The following MYO18B variants were observed in gnomAD, a reference collection of about 807,000 sequenced individuals.
MYO18B encodes the protein myosin XVIIIB, also known as unconventional myosin-XVIIIb.
Under a neutral mutation model 273.0 loss-of-function variants are expected in MYO18B, and 204 were observed. The observed-to-expected ratio is 0.75, with a 90% CI of 0.67 to 0.84. MYO18B has a LOEUF of 0.84. Ranked by LOEUF, MYO18B falls within the 40% of genes least tolerant of loss-of-function variation. MYO18B has a pLI of 0.00. For missense variants in MYO18B, 3,212 were observed against 3,287.6 expected (o/e 0.98, Z 0.56); for synonymous variants, 1,330 against 1,305.7 (o/e 1.02, Z -0.40).
At position 25,769,446 on chromosome 22, in the gene MYO18B, C is replaced by A; in HGVS notation, c.1512+18C>A. The stretch of plus-strand genomic sequence containing the variant: ...CAGACCAGGTGAGGGGGCTGCGGCC[C>A]TGGGAGCGGGAAGCGGCAGACAGGC... On this transcript the variant is annotated intron_variant, in intron 4 of 43. Coordinates refer to ENST00000335473, the MANE Select transcript of MYO18B (RefSeq NM_032608.7). The A allele has an allele frequency of 1.3e-6, 2 of 1,496,644 alleles. No homozygotes were observed. Among genetic ancestry groups the A allele is most frequent in the Non-Finnish European group, 1.8e-6 (2 of 1,122,410 alleles). 92.7% of individuals were successfully genotyped at this position (1,496,644 alleles called of 1,614,324 possible). A position where few individuals can be genotyped will look rare whatever the true frequency, so the allele number is the denominator to read the frequency against.
chr22:25,864,118 TG>T (rs1257919290), intron 21 of MYO18B, among the ~76,000 whole-genome samples: 1 of 152,194 alleles, frequency 6.6e-6, no homozygotes, highest in African/African-American at 2.4e-5. Context: ...GCAAAGCTGT[TG>T]TTTTTCACAG....
intron 21 of MYO18B, among the ~76,000 whole-genome samples, chr22:25,865,841 A>C (rs185910600): frequency 6.6e-6 from 1 of 152,260 alleles, no homozygotes; most frequent in East Asian, 1.9e-4. Flanking sequence ...TCTTATCTTC[A>C]GTCAATTTTT....
intron 40 of MYO18B, among the ~76,000 whole-genome samples, chr22:25,999,016 C>T (rs13054152): frequency 0.028 from 4,316 of 152,194 alleles, 79 homozygotes; most frequent in African/African-American, 0.035. Flanking sequence ...ACAATAGGTA[C>T]CTTTTCTTGA....
intron 39 of MYO18B, among the ~76,000 whole-genome samples, chr22:25,976,996 G>A (rs536594363): frequency 1.3e-5 from 2 of 152,166 alleles, no homozygotes; most frequent in Non-Finnish European, 2.9e-5. Flanking sequence ...AGTTTACAAA[G>A]CACCTGAATG....
chr22:25,875,905 C>T lies in MYO18B; in HGVS notation c.4081-284C>T, dbSNP rs529876475. Among the ~76,000 whole-genome samples, 5 of 152,182 alleles carry T rather than the reference C, an allele frequency of 3.3e-5. No homozygotes were observed. The South Asian group carries it at 1.0e-3, about 32-fold the overall frequency. ...AACCTATTGTATAGTTTCTTTTACT[C>T]TTTCTCCTATTATTATTTGGCCATG... On this transcript the variant is annotated intron_variant, in intron 23 of 43. Transcript: ENST00000335473.
At position 25,772,400 on chromosome 22, in the gene MYO18B, G is replaced by C. The variant is rs149248078; in HGVS notation, c.1759G>C (p.Val587Leu). The change falls in exon 7 of 44, where the codon GTC (valine) becomes CTC (leucine). Residue 587 changes from valine to leucine, a missense_variant. Transcript: ENST00000335473. ...ASLISVNESS[V>L]LNTLLQRYKA... is the part of the protein sequence containing the mutation. ...TCTCATCAGTGTCAACGAATCCAGT[G>C]TCCTGAACACGCTTCTGCAGCGCTA... is the stretch of plus-strand genomic sequence containing the variant. 1,052 of 1,614,038 alleles carry C rather than the reference G, an allele frequency of 6.5e-4. 13 individuals carry two copies. The African/African-American group carries it at 0.012, about 19-fold the overall frequency.
At chr22:25,858,688 C>A in intron 21 of MYO18B, among the ~76,000 whole-genome samples, 1 of 152,150 alleles carries the variant, frequency 6.6e-6, no homozygotes, top group East Asian at 1.9e-4. Flanking sequence ...AAAATCTGGG[C>A]TCAATTTGAC....
chr22:25,886,051 G>A (rs2146251583), intron 25 of MYO18B, among the ~76,000 whole-genome samples: 1 of 152,314 alleles, frequency 6.6e-6, no homozygotes, highest in African/African-American at 2.4e-5. Flanking sequence ...TGGTTAAGTA[G>A]CCACCACCTG....
chr22:25,868,388 G>A lies in MYO18B; in HGVS notation c.3951+3G>A. 6.3e-7 allele frequency: 1 copy of A among 1,589,606 alleles called. No individual in the cohort carries two copies. The highest frequency in any genetic ancestry group is 1.8e-5 in the Admixed American group (1 of 56,410). On this transcript the variant is annotated splice_donor_region_variant and intron_variant, in intron 22 of 43. Coordinates refer to ENST00000335473, the MANE Select transcript of MYO18B (RefSeq NM_032608.7). Reference sequence around the variant, plus strand: ...CGGTGGCTGTGGGGCACAGCCAAGTGAGTAGAGCTGCTTTCTTACAACATT... The same window carrying A: ...CGGTGGCTGTGGGGCACAGCCAAGTAAGTAGAGCTGCTTTCTTACAACATT...
At chr22:25,860,369 T>A (rs992015792) in intron 21 of MYO18B, among the ~76,000 whole-genome samples, 2 of 152,234 alleles carry the variant, frequency 1.3e-5, no homozygotes, top group African/African-American at 4.8e-5. Flanking sequence ...CCACTCTATG[T>A]TACTTCCTTC....
intron 39 of MYO18B, among the ~76,000 whole-genome samples, chr22:25,957,661 C>T (rs1000616067): frequency 1.3e-5 from 2 of 152,178 alleles, no homozygotes; most frequent in Admixed American, 6.5e-5. Context: ...GGGCTACACT[C>T]CCTCTGAAGG....
intron 34 of MYO18B, among the ~76,000 whole-genome samples, chr22:25,943,477 T>A (rs1397590776): frequency 1.3e-5 from 2 of 152,058 alleles, no homozygotes; most frequent in African/African-American, 4.8e-5. Context: ...TGAAATAAAA[T>A]CTAAGCTTTG....
At chr22:25,886,524 G>C (rs184197166) in intron 25 of MYO18B, among the ~76,000 whole-genome samples, 1 of 152,282 alleles carries the variant, frequency 6.6e-6, no homozygotes, top group South Asian at 2.1e-4. Context: ...GGGAGTGGGG[G>C]CTTCCCTTCC....
chr22:25,911,299 C>G (rs2092153659), intron 33 of MYO18B, among the ~76,000 whole-genome samples: 1 of 152,234 alleles, frequency 6.6e-6, no homozygotes, highest in African/African-American at 2.4e-5. Context: ...CCTTCAGCAG[C>G]TGTTGGGATC....
chr22:25,964,331 GA>G (rs1047288091), intron 39 of MYO18B: 2 of 152,164 alleles, frequency 1.3e-5, no homozygotes, highest in Non-Finnish European at 2.9e-5. Context: ...TATCATTAAA[GA>G]AACTAAAATC....
At chr22:25,931,271 A>G (rs2092496345) in intron 34 of MYO18B, among the ~76,000 whole-genome samples, 1 of 152,250 alleles carries the variant, frequency 6.6e-6, no homozygotes, top group Non-Finnish European at 1.5e-5. Context: ...ATGTTGACAC[A>G]TTCAATGCTA....
intron 21 of MYO18B, among the ~76,000 whole-genome samples, chr22:25,855,735 T>C (rs1224738524): frequency 6.6e-6 from 1 of 152,214 alleles, no homozygotes; most frequent in African/African-American, 2.4e-5. Flanking sequence ...GTCTTTATAA[T>C]AGAAGGATTT....
At chr22:25,863,666 C>G (rs1359980858) in intron 21 of MYO18B, among the ~76,000 whole-genome samples, 1 of 152,158 alleles carries the variant, frequency 6.6e-6, no homozygotes, top group African/African-American at 2.4e-5. Flanking sequence ...GAGGCTTTTC[C>G]ATTTTCCTGT....
intron 39 of MYO18B, among the ~76,000 whole-genome samples, chr22:25,960,108 A>G (rs2092901868): frequency 1.3e-5 from 2 of 152,180 alleles, no homozygotes; most frequent in Admixed American, 6.5e-5. Context: ...ATCAGGATCA[A>G]TTACCCCTCC....
Sources: allele counts gnomAD v4.1 joint callset (sites outside exome capture counted in the v4.1 genomes callset), GRCh38; gene constraint gnomAD v4.1.1; transcripts MANE v1.5; gene names NCBI Gene and HGNC (gene_info 2026-07-23, HGNC 2026-07-21).